Variants in GNB5 observed in about 807,000 individuals in gnomAD.
The protein encoded by GNB5 is guanine nucleotide-binding protein subunit beta-5.
A neutral mutation model predicts 55.3 loss-of-function variants in GNB5; 37 were observed. That is an observed-to-expected ratio of 0.67 (90% CI 0.51 to 0.88). The LOEUF (loss-of-function observed/expected upper bound fraction) is 0.88, where lower values mean the gene tolerates loss of function less well. Among genes scored for constraint, GNB5 ranks in the 40% least tolerant of loss-of-function variants. The probability of loss-of-function intolerance (pLI) is 0.00; values close to 1 mark genes in which losing one functional copy is unlikely to be tolerated. For missense variants in GNB5, 476 were observed against 515.3 expected (o/e 0.92, Z 0.74); for synonymous variants, 219 against 198.5 (o/e 1.10, Z -0.87).
chr15:52,118,869 T>TGGA lies in GNB5; in HGVS notation c.*3887_*3888insTCC, dbSNP rs1555403932. The TGGA allele has an allele frequency of 1.1e-5, 1 of 93,334 alleles. No homozygotes were observed. The highest frequency in any genetic ancestry group is 3.7e-5 in the African/African-American group (1 of 26,914). 5.8% of individuals were successfully genotyped at this position (93,334 alleles called of 1,614,324 possible). A position where few individuals can be genotyped will look rare whatever the true frequency, so the allele number is the denominator to read the frequency against. ...TGGGCAACAAGAGCAAAACTCCACG[T>TGGA]AAAAAAAAAAAAAAAAAAAAAGTGT... On this transcript the variant is annotated 3_prime_UTR_variant, in exon 13 of 13. Coordinates refer to ENST00000261837, the MANE Select transcript of GNB5 (RefSeq NM_016194.4).
intron 1 of GNB5, among the ~76,000 whole-genome samples, chr15:52,187,666 G>C (rs1256847208): frequency 3.3e-5 from 5 of 152,088 alleles, no homozygotes; most frequent in African/African-American, 1.2e-4. Context: ...ACTGGAAACA[G>C]GGCCAGGTGT....
chr15:52,183,443 A>G (rs1377468353), intron 2 of GNB5, among the ~76,000 whole-genome samples: 1 of 152,236 alleles, frequency 6.6e-6, no homozygotes, highest in Non-Finnish European at 1.5e-5. Flanking sequence ...AATATACTAC[A>G]GGTAGAAGCC....
intron 1 of GNB5, among the ~76,000 whole-genome samples, chr15:52,186,228 A>C (rs2034844196): frequency 6.6e-6 from 1 of 152,212 alleles, no homozygotes; most frequent in South Asian, 2.1e-4. Context: ...GAGAATTCCT[A>C]ACAACTTTGT....
At chr15:52,189,389 G>A (rs939803302) in intron 1 of GNB5, among the ~76,000 whole-genome samples, 1 of 152,104 alleles carries the variant, frequency 6.6e-6, no homozygotes, top group Non-Finnish European at 1.5e-5. Flanking sequence ...CCTGAGGTCA[G>A]CCTGGGCAAC....
intron 11 of GNB5, 94 bp from the exon 12 acceptor site, chr15:52,124,733 T>C: frequency 9.1e-7 from 1 of 1,095,114 alleles, no homozygotes; most frequent in Non-Finnish European, 1.4e-6. Context: ...TAAGCAGTGA[T>C]TCAGGCGCAC....
At chr15:52,149,447 C>T (rs1485394548) in intron 5 of GNB5, 1 of 374,898 alleles carries the variant, frequency 2.7e-6, no homozygotes, top group African/African-American at 2.0e-5. Flanking sequence ...CACAGGGTAG[C>T]TCTGCCCAGT....
At chr15:52,163,282 G>A (rs1474707975) in intron 3 of GNB5, among the ~76,000 whole-genome samples, 1 of 152,204 alleles carries the variant, frequency 6.6e-6, no homozygotes, top group African/African-American at 2.4e-5. Context: ...CGGAGACCCA[G>A]GAGTTTTCGC....
chr15:52,133,529 C>T (rs1235817528), intron 8 of GNB5, 60 bp from the exon 9 acceptor site: 5 of 1,051,624 alleles, frequency 4.8e-6, no homozygotes, highest in African/African-American at 1.6e-5. Flanking sequence ...AGACAAGGCA[C>T]GAGTCCCAGT....
At chr15:52,170,674 C>T (rs1405414709) in intron 3 of GNB5, among the ~76,000 whole-genome samples, 3 of 149,456 alleles carry the variant, frequency 2.0e-5, no homozygotes, top group East Asian at 3.9e-4. Context: ...AACAAAACTG[C>T]ACATCCTGCA....
chr15:52,153,858 CT>C (rs2034151110), intron 4 of GNB5, 81 bp downstream of exon 4: 2 of 1,235,824 alleles, frequency 1.6e-6, no homozygotes, highest in South Asian at 1.4e-5. Flanking sequence ...CAGAAAAGGG[CT>C]TTTGGAAAGG....
At chr15:52,124,874 G>A (rs753378771) in intron 11 of GNB5, 5 of 430,046 alleles carry the variant, frequency 1.2e-5, no homozygotes, top group Non-Finnish European at 2.1e-5. Context: ...CATAATGCAA[G>A]TGCTTTACAC....
intron 7 of GNB5, 132 bp downstream of exon 7, chr15:52,141,008 G>C (rs1462750219): frequency 1.5e-6 from 1 of 667,002 alleles, no homozygotes; most frequent in Non-Finnish European, 2.6e-6. Context: ...GAAACAATAG[G>C]AGCTTCCTCT....
intron 7 of GNB5, among the ~76,000 whole-genome samples, chr15:52,136,064 A>AACACACACACACACAC (rs147163026): frequency 6.1e-5 from 6 of 98,014 alleles, no homozygotes; most frequent in African/African-American, 2.7e-4. Flanking sequence ...GGAAAAGCAG[A>AACACACACACACACAC]ACACACACAC....
intron 9 of GNB5, among the ~76,000 whole-genome samples, chr15:52,130,919 G>A (rs2033557618): frequency 6.6e-6 from 1 of 152,254 alleles, no homozygotes; most frequent in South Asian, 2.1e-4. Flanking sequence ...TCTGCCTGCT[G>A]GGTTCAAGCG....
At chr15:52,149,603 G>T in intron 5 of GNB5, 1 of 594,310 alleles carries the variant, frequency 1.7e-6, no homozygotes, top group Non-Finnish European at 3.0e-6. Flanking sequence ...TGCACATGTG[G>T]TTGCAAGTTT....
intron 8 of GNB5, 87 bp downstream of exon 8, chr15:52,135,526 G>A: frequency 8.4e-7 from 1 of 1,195,378 alleles, no homozygotes; most frequent in Non-Finnish European, 1.2e-6. Context: ...GAAGTGCCTA[G>A]GCTAATCCCA....
rs115476944 is a variant in GNB5 at position 52,133,263 on chromosome 15, G to C, written c.863+115C>G. 2.6e-3 allele frequency: 1,726 copies of C among 664,018 alleles called. 22 individuals carry two copies. In the African/African-American group the frequency reaches 0.028, roughly 11 times the overall value. 41.1% of individuals were successfully genotyped at this position (664,018 alleles called of 1,614,324 possible). A position where few individuals can be genotyped will look rare whatever the true frequency, so the allele number is the denominator to read the frequency against. Reference sequence around the variant, plus strand: ...ACCACAATCAGCCTTTCTTCCCGGGGAGGCCTCTCTCAGCCAAGTAAACTG... The same window carrying C: ...ACCACAATCAGCCTTTCTTCCCGGGCAGGCCTCTCTCAGCCAAGTAAACTG... On this transcript the variant is annotated intron_variant, in intron 9 of 12. Transcript: ENST00000261837.
intron 3 of GNB5, among the ~76,000 whole-genome samples, chr15:52,174,238 C>T (rs1407788270): frequency 2.6e-5 from 4 of 152,124 alleles, no homozygotes; most frequent in Non-Finnish European, 5.9e-5. Context: ...TTTTAGTCAC[C>T]GATTATAGAC....
At chr15:52,155,100 G>A (rs973018216) in intron 3 of GNB5, among the ~76,000 whole-genome samples, 1 of 152,220 alleles carries the variant, frequency 6.6e-6, no homozygotes, top group Non-Finnish European at 1.5e-5. Flanking sequence ...TCTCTTGTTG[G>A]TAGCTATGTG....
Sources: gnomAD v4.1 joint callset for allele counts (sites outside exome capture counted in the v4.1 genomes callset) on GRCh38, gnomAD v4.1.1 for gene constraint, MANE v1.5 for transcripts, NCBI Gene and HGNC (gene_info 2026-07-23, HGNC 2026-07-21) for gene names.